ECE1: variants seen among roughly 807,000 people sequenced by gnomAD.
ECE1 encodes the protein endothelin converting enzyme 1.
A neutral mutation model predicts 98.6 loss-of-function variants in ECE1; 35 were observed. The observed-to-expected ratio is 0.35, with a 90% CI of 0.27 to 0.47. The LOEUF (loss-of-function observed/expected upper bound fraction) is 0.47, where lower values mean the gene tolerates loss of function less well. Among genes scored for constraint, ECE1 ranks in the 20% least tolerant of loss-of-function variants. The pLI, the probability that ECE1 is intolerant of heterozygous loss-of-function variation, is 1.00. For missense variants in ECE1, 814 were observed against 1,025.3 expected (o/e 0.79, Z 2.81); for synonymous variants, 394 against 407.1 (o/e 0.97, Z 0.39).
chr1:21,270,323 C>T (rs954136339), intron 4 of ECE1, among the ~76,000 whole-genome samples: 2 of 152,222 alleles, frequency 1.3e-5, no homozygotes, highest in African/African-American at 2.4e-5. Flanking sequence ...GCACAGCGCA[C>T]GGCGGACATC....
chr1:21,247,760 C>A (rs575719754), intron 8 of ECE1, among the ~76,000 whole-genome samples: 2 of 152,276 alleles, frequency 1.3e-5, no homozygotes, highest in South Asian at 4.1e-4. Flanking sequence ...TTTAGACAGG[C>A]CTGAAACAGT....
At position 21,345,486 on chromosome 1, in the gene ECE1, T is replaced by C; in HGVS notation, c.-108A>G. 2 of 1,066,436 alleles carry C rather than the reference T, an allele frequency of 1.9e-6. No individual in the cohort carries two copies. The allele number at this position is 1,066,436 out of a possible 1,614,324, so 66.1% of individuals were successfully genotyped here. A position where few individuals can be genotyped will look rare whatever the true frequency, so the allele number is the denominator to read the frequency against. On this transcript the variant is annotated 5_prime_UTR_variant, in exon 1 of 19. Coordinates refer to the ECE1 transcript ENST00000415912. This position sits in a 1 kb window ranked among gnomAD's most constrained non-coding sequence, Gnocchi z 5.1. ...CAGCTGCTCGGACGGCTCGGCTGCC[T>C]GGCCCAGGCGGCGCGCTCAGCTCCA...
chr1:21,265,709 G>A (rs1396266130), intron 4 of ECE1, among the ~76,000 whole-genome samples: 1 of 151,826 alleles, frequency 6.6e-6, no homozygotes, highest in Non-Finnish European at 1.5e-5. Flanking sequence ...GTCCCCTTTC[G>A]GGGCTGTCAC....
At position 21,233,237 on chromosome 1, in the gene ECE1, C is replaced by T. The variant is rs996855834; in HGVS notation, c.1670+321G>A. On this transcript the variant is annotated intron_variant, in intron 14 of 18. Coordinates refer to ENST00000374893, the MANE Select transcript of ECE1 (RefSeq NM_001397.3). This position sits in a 1 kb window ranked among gnomAD's most constrained non-coding sequence, Gnocchi z 4.0. ...AACCAGCTCCTCCCATCCTATTCTG[C>T]GGAAAATGAAATGAAGGCTCCAAAT... The T allele has an allele frequency of 3.4e-5, 10 of 293,986 alleles. No homozygotes were observed. The highest frequency in any genetic ancestry group is 1.1e-4 in the African/African-American group (5 of 46,094). The allele number at this position is 293,986 out of a possible 1,614,324, so 18.2% of individuals were successfully genotyped here.
intron 1 of ECE1, among the ~76,000 whole-genome samples, chr1:21,343,325 CG>C (rs1205643707): frequency 1.3e-5 from 2 of 152,168 alleles, no homozygotes; most frequent in East Asian, 3.9e-4. Flanking sequence ...AAATGACAGA[CG>C]AAAGTATCAC....
At chr1:21,270,177 C>A (rs1324178486) in intron 4 of ECE1, among the ~76,000 whole-genome samples, 1 of 152,224 alleles carries the variant, frequency 6.6e-6, no homozygotes, top group Non-Finnish European at 1.5e-5. Flanking sequence ...CCATTTTGGA[C>A]TGGTGGTATA....
intron 1 of ECE1, among the ~76,000 whole-genome samples, chr1:21,301,767 C>T (rs12058386): frequency 1.2e-4 from 17 of 136,442 alleles, no homozygotes; most frequent in African/African-American, 4.6e-4. Context: ...TGGAGGTTGC[C>T]GTGAGCCGAG....
At chr1:21,292,091 G>A (rs1246087359), upstream of ECE1, among the ~76,000 whole-genome samples, 5 of 151,876 alleles carry the variant, frequency 3.3e-5, no homozygotes, top group Non-Finnish European at 4.4e-5. Flanking sequence ...AGGAGGTGGC[G>A]GCTACAGTGA....
intron 4 of ECE1, chr1:21,266,184 TG>T (rs1371169534): frequency 6.6e-6 from 1 of 151,522 alleles, no homozygotes; most frequent in Non-Finnish European, 1.5e-5. Flanking sequence ...GGGATAGGGG[TG>T]TCTGGGAATC....
chr1:21,227,496 T>C (rs1031277766), intron 15 of ECE1, among the ~76,000 whole-genome samples: 2 of 152,192 alleles, frequency 1.3e-5, no homozygotes, highest in African/African-American at 2.4e-5. Context: ...TCTTCAGTCA[T>C]TGCGAAAGCG....
At chr1:21,284,971 C>T (rs979363408) in intron 2 of ECE1, among the ~76,000 whole-genome samples, 21 of 152,146 alleles carry the variant, frequency 1.4e-4, no homozygotes, top group Admixed American at 1.1e-3. Context: ...GCCCAGCCTG[C>T]GAGGAACCCT....
chr1:21,221,806 G>T lies in ECE1; in HGVS notation c.2077C>A (p.His693Asn). 1 of 1,614,238 alleles carries T rather than the reference G, an allele frequency of 6.2e-7. No individual in the cohort carries two copies. The highest frequency in any genetic ancestry group is 8.5e-7 in the Non-Finnish European group (1 of 1,180,044). ...GTGAGGCCCAGGGTGGGGAGCGAGT[G>T]CTCAGCCCCGTTCTTCTTCACCCAG... ...QNWVKKNGAE[H>N]SLPTLGLTNN... The change falls in exon 18 of 19, where the codon CAC (histidine) becomes AAC (asparagine). Residue 693 changes from histidine (H) to asparagine (N), a missense_variant. By Grantham distance (68) the His-to-Asn change is moderately conservative. This residue lies in a region of ECE1 where 452 missense variants were observed against 567.3 expected (regional missense o/e 0.80). Coordinates refer to ENST00000374893, the MANE Select transcript of ECE1 (RefSeq NM_001397.3).
intron 1 of ECE1, among the ~76,000 whole-genome samples, chr1:21,338,609 G>A (rs1639345855): frequency 6.6e-6 from 1 of 152,238 alleles, no homozygotes; most frequent in Non-Finnish European, 1.5e-5. Context: ...CATTACTGAA[G>A]ACGGCCCTGG....
At chr1:21,251,228 T>C (rs1256169395) in intron 8 of ECE1, among the ~76,000 whole-genome samples, 1 of 151,416 alleles carries the variant, frequency 6.6e-6, no homozygotes, top group Non-Finnish European at 1.5e-5. Context: ...AGTTAACAAC[T>C]GCGCCGGGCA....
intron 1 of ECE1, among the ~76,000 whole-genome samples, chr1:21,317,054 C>T (rs774164752): frequency 6.2e-4 from 95 of 152,078 alleles, no homozygotes; most frequent in Admixed American, 1.4e-3. Flanking sequence ...TGGTAAGAAA[C>T]GGACTGGGGG....
Position 21,263,250 on chromosome 1 carries a change from T to C in ECE1, c.494-2858A>G, listed in dbSNP as rs147485523. Among the ~76,000 whole-genome samples, 276 of 151,906 alleles carry C rather than the reference T, an allele frequency of 1.8e-3. 2 individuals are homozygous for C. The highest frequency in any genetic ancestry group is 6.2e-3 in the African/African-American group (258 of 41,390). On this transcript the variant is annotated intron_variant, in intron 4 of 18. Transcript: ENST00000374893. ...GACCTAGTAGGCCCCTAGCAACAGG[T>C]GGTGGCTGCAAGAACAGAGCCCAGT...
At chr1:21,275,517 C>T (rs776095564) in intron 3 of ECE1, among the ~76,000 whole-genome samples, 1 of 152,126 alleles carries the variant, frequency 6.6e-6, no homozygotes, top group Non-Finnish European at 1.5e-5. Context: ...ATCTTTTGAA[C>T]CCGGGAGGCG....
intron 1 of ECE1, among the ~76,000 whole-genome samples, chr1:21,297,530 CTTTTTTTT>C (rs768958507): frequency 8.6e-6 from 1 of 116,196 alleles, no homozygotes; most frequent in Non-Finnish European, 1.8e-5. Context: ...TTTTCTTTTT[CTTTTTTTT>C]TTTTTTTTTT....
intron 10 of ECE1, chr1:21,238,496 A>G (rs1225893123): frequency 1.1e-5 from 6 of 567,354 alleles, no homozygotes; most frequent in South Asian, 7.9e-5. Flanking sequence ...GAGCCATTCA[A>G]TGACCCTCGG....
Sources: gnomAD v4.1 joint callset for allele counts (sites outside exome capture counted in the v4.1 genomes callset) on GRCh38, gnomAD v4.1.1 for gene constraint, gnomAD v4.1.1 regional missense constraint, Gnocchi (gnomAD v3.1) non-coding constraint, MANE v1.5 for transcripts, NCBI Gene and HGNC (gene_info 2026-07-23, HGNC 2026-07-21) for gene names.